DDX60L: variants seen among roughly 807,000 people sequenced by gnomAD.
DDX60L encodes the protein DExD/H-box 60 like.
Under a neutral mutation model 211.6 loss-of-function variants are expected in DDX60L, and 191 were observed. That is an observed-to-expected ratio of 0.90 (90% CI 0.80 to 1.02). The LOEUF (loss-of-function observed/expected upper bound fraction) is 1.02. Ranked by LOEUF, DDX60L falls within the 50% of genes least tolerant of loss-of-function variation. The pLI, the probability that DDX60L is intolerant of heterozygous loss-of-function variation, is 0.00. For synonymous variants in DDX60L, 706 were observed against 694.1 expected (o/e 1.02, Z -0.27); for missense variants, 2,007 against 1,984.1 (o/e 1.01, Z -0.22).
intron 33 of DDX60L, among the ~76,000 whole-genome samples, chr4:168,377,109 G>T (rs1426355353): frequency 6.6e-6 from 1 of 152,038 alleles, no homozygotes; most frequent in Non-Finnish European, 1.5e-5. Flanking sequence ...TGGCCAACCT[G>T]ATGAAACCTC....
At chr4:168,403,242 G>A (rs185432693) in intron 25 of DDX60L, among the ~76,000 whole-genome samples, 2 of 152,298 alleles carry the variant, frequency 1.3e-5, no homozygotes, top group Middle Eastern at 3.4e-3. Flanking sequence ...CCACCAGCAC[G>A]GACTTCGGAT....
At chr4:168,462,391 T>G (rs1757428294) in intron 4 of DDX60L, among the ~76,000 whole-genome samples, 1 of 152,110 alleles carries the variant, frequency 6.6e-6, no homozygotes, top group South Asian at 2.1e-4. Context: ...ACATTCCAGG[T>G]GATGTGTCTC....
At position 168,448,749 on chromosome 4, in the gene DDX60L, T is replaced by C; in HGVS notation, c.1027A>G (p.Asn343Asp). 1 of 1,606,388 alleles carries C rather than the reference T, an allele frequency of 6.2e-7. No homozygotes were observed. The highest frequency in any genetic ancestry group is 1.3e-5 in the African/African-American group (1 of 74,830). Residue 343 changes from asparagine to aspartate, a missense_variant, in exon 9 of 38, where the codon AAC (asparagine) becomes GAC (aspartate). Asn to Asp is a conservative substitution (Grantham distance 23). Transcript: ENST00000682922. ...TTCCAGCATCCAAAAACGTTTAAGTTGCTTAAAATGAAATATTCACACCAC... is the reference window on the plus strand; with the variant it reads ...TTCCAGCATCCAAAAACGTTTAAGTCGCTTAAAATGAAATATTCACACCAC... Reference protein sequence around the residue: ...NKWCEYFILSNLNVFGCWNLN... With the variant: ...NKWCEYFILSDLNVFGCWNLN...
chr4:168,358,065 A>T lies in DDX60L; in HGVS notation c.*82T>A. ...TGACTCCAAGACAAACATTTTTTCC[A>T]TTTCATTGTGTAAGCTTAATTATAT... On this transcript the variant is annotated 3_prime_UTR_variant, in exon 38 of 38. Transcript: ENST00000682922. 8 of 1,288,440 alleles carry T rather than the reference A, an allele frequency of 6.2e-6. No individual in the cohort carries two copies. The Admixed American group carries it at 6.9e-5, about 11-fold the overall frequency. The allele number at this position is 1,288,440 out of a possible 1,614,324, so 79.8% of individuals were successfully genotyped here.
intron 14 of DDX60L, among the ~76,000 whole-genome samples, chr4:168,426,347 A>G (rs1427373625): frequency 6.6e-6 from 1 of 152,228 alleles, no homozygotes; most frequent in Non-Finnish European, 1.5e-5. Flanking sequence ...ACCATCATGT[A>G]TATGTCGGTT....
chr4:168,417,880 T>C (rs1749841884), intron 19 of DDX60L, among the ~76,000 whole-genome samples: 1 of 152,194 alleles, frequency 6.6e-6, no homozygotes, highest in Admixed American at 6.5e-5. Context: ...AATAAATACA[T>C]AAAGAAGAAT....
At chr4:168,366,127 T>C (rs1739945761) in intron 36 of DDX60L, among the ~76,000 whole-genome samples, 1 of 152,064 alleles carries the variant, frequency 6.6e-6, no homozygotes, top group Non-Finnish European at 1.5e-5. Context: ...ATAGTACTAG[T>C]AGTCCTAGCC....
chr4:168,413,171 G>A (rs1748980580), intron 22 of DDX60L, among the ~76,000 whole-genome samples: 1 of 152,132 alleles, frequency 6.6e-6, no homozygotes, highest in African/African-American at 2.4e-5. Context: ...AGGAAAATAT[G>A]ACCTCACCTA....
chr4:168,373,120 G>T (rs578214078), intron 35 of DDX60L, among the ~76,000 whole-genome samples: 20 of 152,258 alleles, frequency 1.3e-4, no homozygotes, highest in Non-Finnish European at 2.4e-4. Flanking sequence ...TTGACATGAT[G>T]TGTGACTCTC....
intron 8 of DDX60L, among the ~76,000 whole-genome samples, chr4:168,449,815 A>T (rs79232914): frequency 0.12 from 4,691 of 38,818 alleles, 97 homozygotes; most frequent in Non-Finnish European, 0.16. Flanking sequence ...TAAAAAAAAA[A>T]AAAAAAAAGA....
At chr4:168,468,446 T>C (rs1758314597) in intron 4 of DDX60L, among the ~76,000 whole-genome samples, 1 of 152,132 alleles carries the variant, frequency 6.6e-6, no homozygotes, top group Admixed American at 6.5e-5. Context: ...GTAACACCTA[T>C]TAATTATAGA....
chr4:168,419,381 G>T lies in DDX60L; in HGVS notation c.2531C>A (p.Pro844Gln), dbSNP rs201083346. 1 of 1,588,376 alleles carries T rather than the reference G, an allele frequency of 6.3e-7. No homozygotes were observed. Among genetic ancestry groups the T allele is most frequent in the Non-Finnish European group, 8.6e-7 (1 of 1,165,574 alleles). The change falls in exon 19 of 38, where the codon CCG becomes CAG. Residue 844 changes from proline (P) to glutamine (Q), a missense_variant. By Grantham distance (76) the Pro-to-Gln change is moderately conservative. Coordinates refer to ENST00000682922, the MANE Select transcript of DDX60L (RefSeq NM_001012967.3). ...VLNCQVLITV[P>Q]ECFEILLLAP... Reference sequence around the variant, plus strand: ...AAGCAACAGGATTTCAAAACATTCCGGCACTGTAATAAGTACCTACAAATA... The same window carrying T: ...AAGCAACAGGATTTCAAAACATTCCTGCACTGTAATAAGTACCTACAAATA...
At chr4:168,455,199 C>A (rs1374350148) in intron 7 of DDX60L, among the ~76,000 whole-genome samples, 1 of 147,542 alleles carries the variant, frequency 6.8e-6, no homozygotes, top group East Asian at 2.0e-4. Flanking sequence ...TTTTCTATTT[C>A]TTTTATTGCT....
intron 1 of DDX60L, among the ~76,000 whole-genome samples, chr4:168,478,374 ACT>A (rs1462236953): frequency 6.6e-6 from 1 of 152,040 alleles, no homozygotes; most frequent in African/African-American, 2.4e-5. Context: ...GAAAATAGAA[ACT>A]CTCTGGGTGT....
At chr4:168,423,090 A>C (rs1354003272) in intron 15 of DDX60L, among the ~76,000 whole-genome samples, 1 of 151,948 alleles carries the variant, frequency 6.6e-6, no homozygotes, top group African/African-American at 2.4e-5. Context: ...CAAAGTGCTG[A>C]GATTACAGGC....
chr4:168,427,012 T>C, intron 14 of DDX60L, 58 bp downstream of exon 14: 1 of 1,496,224 alleles, frequency 6.7e-7, no homozygotes, highest in Non-Finnish European at 9.0e-7. Flanking sequence ...AGTAAATATG[T>C]TAACATCATT....
At chr4:168,466,780 A>T (rs1323810411) in intron 4 of DDX60L, among the ~76,000 whole-genome samples, 2 of 152,152 alleles carry the variant, frequency 1.3e-5, no homozygotes, top group Non-Finnish European at 2.9e-5. Context: ...GGTGATGGAT[A>T]TATGGTCCAT....
intron 10 of DDX60L, among the ~76,000 whole-genome samples, chr4:168,438,088 T>C (rs1753315250): frequency 6.6e-6 from 1 of 152,122 alleles, no homozygotes; most frequent in South Asian, 2.1e-4. Flanking sequence ...TTAGCCAGGA[T>C]GGTCTCGATC....
At chr4:168,408,278 C>T (rs1402346155) in intron 22 of DDX60L, among the ~76,000 whole-genome samples, 1 of 152,158 alleles carries the variant, frequency 6.6e-6, no homozygotes, top group Non-Finnish European at 1.5e-5. Flanking sequence ...ATTATCCTTA[C>T]ACCACAGATT....
Sources: gnomAD v4.1 joint callset for allele counts (sites outside exome capture counted in the v4.1 genomes callset) on GRCh38, gnomAD v4.1.1 for gene constraint, MANE v1.5 for transcripts, NCBI Gene and HGNC (gene_info 2026-07-23, HGNC 2026-07-21) for gene names.